Variants in CD247 observed in about 807,000 individuals in gnomAD.
The protein encoded by CD247 is T-cell surface glycoprotein CD3 zeta chain.
In CD247, 13 loss-of-function variants were observed where a neutral mutation model predicts 30.0. That is an observed-to-expected ratio of 0.43 (90% confidence interval 0.28 to 0.69). The LOEUF is 0.69. Ranked by LOEUF, CD247 falls within the 30% of genes least tolerant of loss-of-function variation. The pLI is 0.16. For synonymous variants in CD247, 72 were observed against 80.0 expected (o/e 0.90, Z 0.53); for missense variants, 193 against 212.6 (o/e 0.91, Z 0.57).
At chr1:167,474,008 C>T (rs923414623) in intron 1 of CD247, among the ~76,000 whole-genome samples, 1 of 152,074 alleles carries the variant, frequency 6.6e-6, no homozygotes, top group Non-Finnish European at 1.5e-5. Flanking sequence ...CTCTGGAGGG[C>T]TCTGCCTGCT....
At chr1:167,446,578 T>A (rs1436614785) in intron 1 of CD247, among the ~76,000 whole-genome samples, 3 of 151,858 alleles carry the variant, frequency 2.0e-5, no homozygotes, top group African/African-American at 7.3e-5. Flanking sequence ...GTACAAGGAG[T>A]GACAGCAGGG....
chr1:167,444,492 C>T (rs368924607), intron 1 of CD247, among the ~76,000 whole-genome samples: 69 of 152,290 alleles, frequency 4.5e-4, no homozygotes, highest in African/African-American at 1.7e-3. Flanking sequence ...TGTTCCTGAT[C>T]CCTACCCAAG....
At chr1:167,452,181 C>T (rs564196415) in intron 1 of CD247, among the ~76,000 whole-genome samples, 76 of 151,628 alleles carry the variant, frequency 5.0e-4, no homozygotes, top group Non-Finnish European at 9.3e-4. Context: ...GCCGAGATCA[C>T]GCCATTGCAC....
chr1:167,449,156 T>TCTTTTTTTC (rs1553229976), intron 1 of CD247, among the ~76,000 whole-genome samples: 5 of 113,592 alleles, frequency 4.4e-5, no homozygotes. Flanking sequence ...TTTCTTTTTT[T>TCTTTTTTTC]TTTTTTTTTT....
chr1:167,511,488 G>A (rs1387680523), intron 1 of CD247, among the ~76,000 whole-genome samples: 4 of 152,158 alleles, frequency 2.6e-5, no homozygotes, highest in African/African-American at 9.7e-5. Flanking sequence ...GGATTTATCA[G>A]CTTTGGAGAA....
intron 1 of CD247, among the ~76,000 whole-genome samples, chr1:167,449,660 C>T (rs1179758715): frequency 1.3e-5 from 2 of 152,062 alleles, no homozygotes; most frequent in Non-Finnish European, 2.9e-5. Flanking sequence ...CAGTGGCTCA[C>T]GCCTGTAATC....
intron 1 of CD247, among the ~76,000 whole-genome samples, chr1:167,515,461 A>G (rs1393527290): frequency 6.6e-6 from 1 of 152,248 alleles, no homozygotes; most frequent in Admixed American, 6.5e-5. Context: ...AGTGGCACTG[A>G]GAAGTAAAAA....
intron 1 of CD247, among the ~76,000 whole-genome samples, chr1:167,470,719 T>C (rs1653479759): frequency 6.6e-6 from 1 of 152,010 alleles, no homozygotes; most frequent in Admixed American, 6.6e-5. Context: ...TTACCTATTT[T>C]TTGACTATTT....
intron 1 of CD247, among the ~76,000 whole-genome samples, chr1:167,512,878 GAGGAGACACAA>G (rs1438815336): frequency 6.6e-6 from 1 of 152,238 alleles, no homozygotes; most frequent in Non-Finnish European, 1.5e-5. Context: ...GCCTGCTCCA[GAGGAGACACAA>G]AGGCTTGGAG....
At chr1:167,441,750 G>A (rs545388389) in intron 1 of CD247, among the ~76,000 whole-genome samples, 1 of 152,332 alleles carries the variant, frequency 6.6e-6, no homozygotes, top group Non-Finnish European at 1.5e-5. Flanking sequence ...ACGTTTAGTT[G>A]GCACTGCCAT....
At chr1:167,486,380 A>G (rs915696744) in intron 1 of CD247, among the ~76,000 whole-genome samples, 1 of 152,218 alleles carries the variant, frequency 6.6e-6, no homozygotes, top group Admixed American at 6.5e-5. Flanking sequence ...AGAGCACTGG[A>G]GCAAAATCGA....
chr1:167,462,388 C>G (rs949619786), intron 1 of CD247, among the ~76,000 whole-genome samples: 18 of 152,238 alleles, frequency 1.2e-4, no homozygotes, highest in African/African-American at 4.3e-4. Context: ...GTTTAGGGAA[C>G]AGGCCGCAGC....
In CD247 at chr1:167,493,301, C is replaced by T. The variant is rs185862859; in HGVS notation, c.58+25107G>A. 1.2e-3 allele frequency among the ~76,000 whole-genome samples: 190 copies of T among 152,210 alleles called. 1 individual carries two copies. Among genetic ancestry groups the T allele is most frequent in the African/African-American group, 4.5e-3 (188 of 41,532 alleles). On this transcript the variant is annotated intron_variant, in intron 1 of 7. Coordinates refer to ENST00000362089, the MANE Select transcript of CD247 (RefSeq NM_198053.3). Reference sequence around the variant, plus strand: ...CAGGCAATCCGCCAGCCTCGGCCTCCCAAAGTGCTAGGATTACAGGTGTGA... The same window carrying T: ...CAGGCAATCCGCCAGCCTCGGCCTCTCAAAGTGCTAGGATTACAGGTGTGA...
intron 1 of CD247, among the ~76,000 whole-genome samples, chr1:167,475,501 G>T (rs1282419840): frequency 6.6e-6 from 1 of 152,100 alleles, no homozygotes; most frequent in Admixed American, 6.6e-5. Flanking sequence ...AATGAAAAAG[G>T]AAAGATAATC....
chr1:167,455,676 C>G (rs992697206), intron 1 of CD247, among the ~76,000 whole-genome samples: 4 of 152,242 alleles, frequency 2.6e-5, no homozygotes, highest in Non-Finnish European at 4.4e-5. Flanking sequence ...CGCCCGCCCC[C>G]ACTTGCGGTC....
At chr1:167,450,487 C>G (rs998922849) in intron 1 of CD247, among the ~76,000 whole-genome samples, 1 of 151,466 alleles carries the variant, frequency 6.6e-6, no homozygotes, top group Admixed American at 6.6e-5. Flanking sequence ...GAGTGAGACC[C>G]TGTCTCAAAA....
intron 1 of CD247, among the ~76,000 whole-genome samples, chr1:167,463,888 G>A (rs1010701822): frequency 6.6e-6 from 1 of 152,162 alleles, no homozygotes; most frequent in African/African-American, 2.4e-5. Flanking sequence ...TCAGAGAAAT[G>A]GTGACAAAGA....
Position 167,433,011 on chromosome 1 carries a change from C to T in CD247, c.429+13G>A, listed in dbSNP as rs957929190. On this transcript the variant is annotated intron_variant, in intron 7 of 7. Transcript: ENST00000362089. ...GGTGCCCCTTCCACTGAAGGGACGC[C>T]GGCAGCTCCTACCTGGTAAAGGCCA... is the stretch of plus-strand genomic sequence containing the variant. The T allele has an allele frequency of 1.5e-5, 24 of 1,614,018 alleles. No individual in the cohort carries two copies. Among genetic ancestry groups the T allele is most frequent in the African/African-American group, 4.0e-5 (3 of 74,934 alleles).
At chr1:167,444,372 GTATTTCTAC>G (rs1557998033) in intron 1 of CD247, among the ~76,000 whole-genome samples, 1 of 152,146 alleles carries the variant, frequency 6.6e-6, no homozygotes, top group Non-Finnish European at 1.5e-5. Flanking sequence ...TGGCTTCTTC[GTATTTCTAC>G]CAATTCCATC....
Sources: gnomAD v4.1 joint callset for allele counts (sites outside exome capture counted in the v4.1 genomes callset) on GRCh38, gnomAD v4.1.1 for gene constraint, MANE v1.5 for transcripts, NCBI Gene and HGNC (gene_info 2026-07-23, HGNC 2026-07-21) for gene names.